SYN2: variants seen among roughly 807,000 people sequenced by gnomAD.
The protein encoded by SYN2 is synapsin II.
A neutral mutation model predicts 50.9 loss-of-function variants in SYN2; 19 were observed. The observed-to-expected ratio is 0.37, with a 90% CI of 0.26 to 0.55. The LOEUF (loss-of-function observed/expected upper bound fraction) is 0.55. Among genes scored for constraint, SYN2 ranks in the 20% least tolerant of loss-of-function variants. SYN2 has a pLI of 0.81. For missense variants in SYN2, 587 were observed against 576.4 expected (o/e 1.02, Z -0.19); for synonymous variants, 255 against 224.9 (o/e 1.13, Z -1.20).
intron 1 of SYN2, among the ~76,000 whole-genome samples, chr3:12,042,554 A>C (rs1694641402): frequency 6.6e-6 from 1 of 152,204 alleles, no homozygotes; most frequent in Non-Finnish European, 1.5e-5. Context: ...AGGAGACCTG[A>C]GAATGTTTCA....
At chr3:12,160,199 A>G (rs1048753363) in intron 5 of SYN2, among the ~76,000 whole-genome samples, 3 of 152,164 alleles carry the variant, frequency 2.0e-5, no homozygotes, top group African/African-American at 4.8e-5. Context: ...ATGTTTCCAC[A>G]TGGTGCTGGA....
chr3:12,154,514 A>AG (rs1372524684), intron 5 of SYN2: 7 of 1,586,120 alleles, frequency 4.4e-6, no homozygotes, highest in Non-Finnish European at 6.0e-6. Context: ...CCAGGGGCCC[A>AG]GGTCCTTGAA....
chr3:12,054,872 T>C (rs1487417994), intron 1 of SYN2, among the ~76,000 whole-genome samples: 2 of 152,128 alleles, frequency 1.3e-5, no homozygotes, highest in Non-Finnish European at 2.9e-5. Context: ...TTTGATAGTT[T>C]AGTAGAATAT....
intron 1 of SYN2, among the ~76,000 whole-genome samples, chr3:12,101,815 A>G (rs933693309): frequency 6.6e-6 from 1 of 152,134 alleles, no homozygotes; most frequent in African/African-American, 2.4e-5. Context: ...GGGACAGTAT[A>G]TTTGTGGAGA....
chr3:12,157,431 G>A lies in SYN2; in HGVS notation c.775-4115G>A, dbSNP rs148174536. 15 of 1,614,090 alleles carry A rather than the reference G, an allele frequency of 9.3e-6. No individual in the cohort carries two copies. The African/African-American group carries it at 1.7e-4, about 19-fold the overall frequency. The stretch of plus-strand genomic sequence containing the variant: ...CCGGAGCATTTTTTCAGTGTCAGCA[G>A]GGTCTGCACTGGCCGGAACTACCTT... On this transcript the variant is annotated intron_variant, in intron 5 of 12. Transcript: ENST00000621198.
At chr3:12,155,864 G>A (rs993786422) in intron 5 of SYN2, among the ~76,000 whole-genome samples, 3 of 152,182 alleles carry the variant, frequency 2.0e-5, no homozygotes. Context: ...AAAGGGCCTG[G>A]TCTGCTAGAC....
chr3:12,171,857 T>G (rs1697944468), intron 10 of SYN2, among the ~76,000 whole-genome samples: 1 of 152,242 alleles, frequency 6.6e-6, no homozygotes, highest in African/African-American at 2.4e-5. Flanking sequence ...GAACAAAATT[T>G]TCTACCCCAC....
chr3:12,083,774 C>G (rs1188448937), intron 1 of SYN2, among the ~76,000 whole-genome samples: 1 of 152,170 alleles, frequency 6.6e-6, no homozygotes, highest in African/African-American at 2.4e-5. Context: ...TAGTTTTAAT[C>G]TGTCTGGAAA....
In SYN2 at chr3:12,190,598, G is replaced by T. The variant is rs772750548; in HGVS notation, c.1722G>T (p.Lys574Asn). Residue 574 changes from lysine (K) to asparagine (N), a missense_variant, in exon 13 of 13, where the codon AAG becomes AAT. Transcript: ENST00000621198. ...AKAETIRSLRKSFASLFSD is the reference protein window; with the variant it reads ...AKAETIRSLRNSFASLFSD ...CAGAGACCATCCGGAGCTTGAGGAA[G>T]TCCTTTGCCAGCCTCTTTTCAGATT... The T allele has an allele frequency of 6.2e-7, 1 of 1,613,096 alleles. No individual in the cohort carries two copies. Among genetic ancestry groups the T allele is most frequent in the South Asian group, 1.1e-5 (1 of 90,880 alleles).
chr3:12,191,645 G>C lies in SYN2; in HGVS notation c.*1020G>C, dbSNP rs1014256043. ...CTCCTCGCACCTCCCCAGTGAATCT[G>C]TCTCCTCCAAGACACCTAGCCTTCC... On this transcript the variant is annotated 3_prime_UTR_variant, in exon 13 of 13. Transcript: ENST00000621198. Among the ~76,000 whole-genome samples, 6 of 152,260 alleles carry C rather than the reference G, an allele frequency of 3.9e-5. No homozygotes were observed. The highest frequency in any genetic ancestry group is 1.4e-4 in the African/African-American group (6 of 41,548).
chr3:12,180,348 C>T (rs1698194761), intron 10 of SYN2, among the ~76,000 whole-genome samples: 2 of 152,122 alleles, frequency 1.3e-5, no homozygotes, highest in Non-Finnish European at 2.9e-5. Flanking sequence ...CTGTTTGAAT[C>T]AATCCAACTT....
chr3:12,023,872 A>T (rs573871467), intron 1 of SYN2, among the ~76,000 whole-genome samples: 1 of 152,252 alleles, frequency 6.6e-6, no homozygotes, highest in South Asian at 2.1e-4. Context: ...TAGCAGTGGA[A>T]AAGAAGGAGT....
chr3:12,100,242 C>G (rs1286720204), intron 1 of SYN2, among the ~76,000 whole-genome samples: 5 of 152,012 alleles, frequency 3.3e-5, no homozygotes, highest in Non-Finnish European at 7.4e-5. Flanking sequence ...TACTACAAAG[C>G]TTGATAATAA....
intron 1 of SYN2, among the ~76,000 whole-genome samples, chr3:12,026,156 A>G: frequency 6.6e-6 from 1 of 152,206 alleles, no homozygotes; most frequent in South Asian, 2.1e-4. Context: ...TACAGTGGGA[A>G]GAGCCAAGTG....
intron 1 of SYN2, among the ~76,000 whole-genome samples, chr3:12,104,192 G>T (rs1456545967): frequency 6.6e-6 from 1 of 152,058 alleles, no homozygotes; most frequent in East Asian, 1.9e-4. Flanking sequence ...GAGTACAGTG[G>T]CATGATCATA....
intron 10 of SYN2, among the ~76,000 whole-genome samples, chr3:12,174,356 CA>C (rs1698010954): frequency 6.6e-6 from 1 of 152,164 alleles, no homozygotes; most frequent in African/African-American, 2.4e-5. Context: ...TTTTCCCTAG[CA>C]ATTTATGTAG....
chr3:12,139,513 G>C (rs1188808227), intron 1 of SYN2, among the ~76,000 whole-genome samples: 1 of 152,078 alleles, frequency 6.6e-6, no homozygotes, highest in Non-Finnish European at 1.5e-5. Context: ...CTTGCTATAG[G>C]GCCTTGAATA....
chr3:12,166,134 C>T (rs554588416), intron 7 of SYN2, among the ~76,000 whole-genome samples: 2 of 152,044 alleles, frequency 1.3e-5, no homozygotes, highest in Non-Finnish European at 2.9e-5. Flanking sequence ...GGGGCCACCT[C>T]GTGGTTCTGA....
intron 1 of SYN2, among the ~76,000 whole-genome samples, chr3:12,025,643 G>GT (rs569288490): frequency 3.0e-4 from 46 of 151,350 alleles, no homozygotes; most frequent in South Asian, 4.2e-4. Flanking sequence ...GAGGTGTGTG[G>GT]TTTTTTTTTG....
Sources: gnomAD v4.1 joint callset for allele counts (sites outside exome capture counted in the v4.1 genomes callset) on GRCh38, gnomAD v4.1.1 for gene constraint, MANE v1.5 for transcripts, NCBI Gene and HGNC (gene_info 2026-07-23, HGNC 2026-07-21) for gene names.